BMI1: variants seen among roughly 807,000 people sequenced by gnomAD.
The protein encoded by BMI1 is BMI1 proto-oncogene, polycomb ring finger.
A neutral mutation model predicts 39.1 loss-of-function variants in BMI1; 9 were observed. That is an observed-to-expected ratio of 0.23 (90% confidence interval 0.14 to 0.40). BMI1 has a LOEUF of 0.40. BMI1 is among the 10% of genes least tolerant of loss of function. BMI1 has a pLI of 1.00. For missense variants in BMI1, 252 were observed against 390.8 expected (o/e 0.64, Z 2.99); for synonymous variants, 131 against 127.9 (o/e 1.02, Z -0.16).
rs1588622019 is a variant in BMI1, at chr10:22,329,888, G to A, written c.*346G>A. The A allele has an allele frequency of 1.4e-5, 3 of 217,976 alleles. No homozygotes were observed. Among genetic ancestry groups the A allele is most frequent in the East Asian group, 2.1e-4 (2 of 9,340 alleles). The allele number at this position is 217,976 out of a possible 1,614,324, so 13.5% of individuals were successfully genotyped here. A position where few individuals can be genotyped will look rare whatever the true frequency, so the allele number is the denominator to read the frequency against. On this transcript the variant is annotated 3_prime_UTR_variant, in exon 10 of 10. Coordinates refer to ENST00000376663, the MANE Select transcript of BMI1 (RefSeq NM_005180.9). ...CCATAGTTTGTTAATCTCAACTAACGCCTACATTACATTCTCCTTGATCGT... is the reference window on the plus strand; with the variant it reads ...CCATAGTTTGTTAATCTCAACTAACACCTACATTACATTCTCCTTGATCGT...
intron 8 of BMI1, 140 bp downstream of exon 8, chr10:22,328,838 A>AT: frequency 9.9e-7 from 1 of 1,011,468 alleles, no homozygotes; most frequent in Non-Finnish European, 1.4e-6. Flanking sequence ...ATCTTAAAAC[A>AT]TTTGGTATAC....
intron 2 of BMI1, 24 bp from the exon 3 acceptor site, chr10:22,326,866 A>C (rs777278306): frequency 6.2e-7 from 1 of 1,610,592 alleles, no homozygotes; most frequent in Non-Finnish European, 8.5e-7. Context: ...AAACATAAAA[A>C]AACTTCACAT....
rs1466908544 is a variant in BMI1, at chr10:22,330,991, A to G, written c.*1449A>G. The stretch of plus-strand genomic sequence containing the variant: ...TGGGAAAATTGTAGCTAAACATTTC[A>G]TTGTCCCCAGTCTGCAAAAGAAGCA... On this transcript the variant is annotated 3_prime_UTR_variant, in exon 10 of 10. Transcript: ENST00000376663. The G allele has an allele frequency of 6.6e-6, 1 of 152,538 alleles. No homozygotes were observed. Among genetic ancestry groups the G allele is most frequent in the Non-Finnish European group, 1.5e-5 (1 of 67,976 alleles). 9.4% of individuals were successfully genotyped at this position (152,538 alleles called of 1,614,324 possible).
Position 22,327,076 on chromosome 10 carries a change from T to C in BMI1, c.209+90T>C. 2.8e-6 allele frequency: 4 copies of C among 1,436,366 alleles called. No homozygotes were observed. In the South Asian group the frequency reaches 4.9e-5, roughly 18 times the overall value. 89.0% of individuals were successfully genotyped at this position (1,436,366 alleles called of 1,614,324 possible). ...ACCCTCTTTATTTCTTCACAGAAAA[T>C]TTACTCTTGAATACATAACTAATAT... On this transcript the variant is annotated intron_variant, in intron 3 of 9. Coordinates refer to ENST00000376663, the MANE Select transcript of BMI1 (RefSeq NM_005180.9).
At position 22,327,971 on chromosome 10, in the gene BMI1, A is replaced by G; in HGVS notation, c.338A>G (p.Asp113Gly). The change falls in exon 6 of 10, where the codon GAT becomes GGT. Residue 113 changes from aspartate to glycine, a missense_variant. By Grantham distance (94) the Asp-to-Gly change is moderately conservative (BLOSUM62 -1). Around this residue, in one of 4 missense-constraint regions of BMI1, gnomAD observed 67 missense variants for 69.9 expected, o/e 0.96. Coordinates refer to ENST00000376663, the MANE Select transcript of BMI1 (RefSeq NM_005180.9). ...SADAANGSNE[D>G]RGEVADEDKR... ...ATAGCTGCCAATGGCTCTAATGAAG[A>G]TAGAGGAGAGGTTGCAGATGAAGAT... is the stretch of plus-strand genomic sequence containing the variant. 6.2e-7 allele frequency: 1 copy of G among 1,608,078 alleles called. No individual in the cohort carries two copies. Among genetic ancestry groups the G allele is most frequent in the Non-Finnish European group, 8.5e-7 (1 of 1,178,202 alleles).
At chr10:22,328,329 A>AAT (rs1836205793) in intron 7 of BMI1, 150 bp downstream of exon 7, 1 of 903,150 alleles carries the variant, frequency 1.1e-6, no homozygotes, top group Non-Finnish European at 1.6e-6. Context: ...TGTGATATTT[A>AAT]ATAATTAGAA....
At chr10:22,325,871 G>T (rs1836136983) in intron 1 of BMI1, 1 of 152,174 alleles carries the variant, frequency 6.6e-6, no homozygotes, top group South Asian at 2.1e-4. Flanking sequence ...GACTGGAGGT[G>T]CTCCTCCTGC....
In BMI1 at chr10:22,325,208, A is replaced by C. The variant is rs188277560; in HGVS notation, c.-19-1223A>C. On this transcript the variant is annotated intron_variant, in intron 1 of 9. Transcript: ENST00000376663. ...CTACAGGAGAGCGTCACATTAGAGA[A>C]GGAAGTTTTAAAGAGGTTCGGTTCA... Among the ~76,000 whole-genome samples the C allele has an allele frequency of 5.2e-3, 788 of 152,350 alleles. 7 individuals are homozygous for C. The highest frequency in any genetic ancestry group is 0.018 in the African/African-American group (743 of 41,582).
rs200452916 is a variant in BMI1 at position 22,324,956 on chromosome 10, GT to G, written c.-19-1470del. 5.3e-5 allele frequency among the ~76,000 whole-genome samples: 8 copies of G among 152,250 alleles called. No individual in the cohort carries two copies. In the East Asian group the frequency reaches 1.5e-3, roughly 29 times the overall value. On this transcript the variant is annotated intron_variant, in intron 1 of 9. Coordinates refer to ENST00000376663, the MANE Select transcript of BMI1 (RefSeq NM_005180.9). ...TCATCGTATGGGGGGTTTTACATTT[GT>G]TTTTCTCTCCTGTCGCTGCTTTGGG... is the stretch of plus-strand genomic sequence containing the variant.
chr10:22,329,255 A>G lies in BMI1; in HGVS notation c.694A>G (p.Lys232Glu), dbSNP rs1202429072. The change falls in exon 10 of 10, where the codon AAA becomes GAA. Residue 232 changes from lysine to glutamate, a missense_variant. Coordinates refer to ENST00000376663, the MANE Select transcript of BMI1 (RefSeq NM_005180.9). ...PLKYRVRPTC[K>E]RMKISHQRDG... ...GAAATACAGAGTTCGACCTACTTGT[A>G]AAAGAATGAAGATCAGTCACCAGAG... 6.2e-7 allele frequency: 1 copy of G among 1,614,192 alleles called. No homozygotes were observed. Among genetic ancestry groups the G allele is most frequent in the Admixed American group, 1.7e-5 (1 of 60,030 alleles).
chr10:22,321,154 C>T lies in BMI1; in HGVS notation c.-562C>T, dbSNP rs1200534011. 1.4e-5 allele frequency: 2 copies of T among 148,078 alleles called. No individual in the cohort carries two copies. The highest frequency in any genetic ancestry group is 3.0e-5 in the Non-Finnish European group (2 of 66,370). The allele number at this position is 148,078 out of a possible 1,614,324, so 9.2% of individuals were successfully genotyped here. ...TTTTCCACCCTCCCCTCCCCCTCCT[C>T]CCCTCCCCCCGCTCGCACGCACACA... On this transcript the variant is annotated 5_prime_UTR_variant, in exon 1 of 10. Transcript: ENST00000376663.
intron 8 of BMI1, among the ~76,000 whole-genome samples, 162 bp from the exon 9 acceptor site, chr10:22,328,884 ACT>A (rs1836222081): frequency 6.6e-6 from 1 of 151,766 alleles, no homozygotes; most frequent in African/African-American, 2.4e-5. Context: ...ATCCCTTAAC[ACT>A]CTCTAGAAAT....
chr10:22,330,591 T>C lies in BMI1; in HGVS notation c.*1049T>C, dbSNP rs1836262347. On this transcript the variant is annotated 3_prime_UTR_variant, in exon 10 of 10. Coordinates refer to ENST00000376663, the MANE Select transcript of BMI1 (RefSeq NM_005180.9). ...TCCATTGGCTATGATGGAATTAATA[T>C]TGTATTTTAAAAATGCATATTGATC... 6.6e-6 allele frequency: 1 copy of C among 152,232 alleles called. No homozygotes were observed. Among genetic ancestry groups the C allele is most frequent in the Non-Finnish European group, 1.5e-5 (1 of 68,012 alleles). 9.4% of individuals were successfully genotyped at this position (152,232 alleles called of 1,614,324 possible).
At chr10:22,326,625 A>C (rs1321879688) in intron 2 of BMI1, 64 bp downstream of exon 2, 1 of 1,576,444 alleles carries the variant, frequency 6.3e-7, no homozygotes, top group East Asian at 2.2e-5. Context: ...CTGGAATTTG[A>C]AAACTGTTAA....
Position 22,331,448 on chromosome 10 carries a change from TAC to T in BMI1, c.*1908_*1909del, listed in dbSNP as rs1836280321. On this transcript the variant is annotated 3_prime_UTR_variant, in exon 10 of 10. Transcript: ENST00000376663. ...CCATTGAAAGATGTATCTGTTTATTTACAGTCTTTGAAGTAAAAGTTACCAAT... is the reference window on the plus strand; with the variant it reads ...CCATTGAAAGATGTATCTGTTTATTTAGTCTTTGAAGTAAAAGTTACCAAT... The T allele has an allele frequency of 6.6e-6, 1 of 152,168 alleles. No homozygotes were observed. Among genetic ancestry groups the T allele is most frequent in the South Asian group, 2.1e-4 (1 of 4,836 alleles). 9.4% of individuals were successfully genotyped at this position (152,168 alleles called of 1,614,324 possible). A position where few individuals can be genotyped will look rare whatever the true frequency, so the allele number is the denominator to read the frequency against.
rs1836273651 is a variant in BMI1 at position 22,331,144 on chromosome 10, A to G, written c.*1602A>G. 6.6e-6 allele frequency: 1 copy of G among 152,586 alleles called. No homozygotes were observed. Among genetic ancestry groups the G allele is most frequent in the African/African-American group, 2.4e-5 (1 of 41,454 alleles). The allele number at this position is 152,586 out of a possible 1,614,324, so 9.5% of individuals were successfully genotyped here. A position where few individuals can be genotyped will look rare whatever the true frequency, so the allele number is the denominator to read the frequency against. Reference sequence around the variant, plus strand: ...GAAGTCACAAGATACATATATTTTTATTTTGACCTAAATTTGTACAGTCCC... The same window carrying G: ...GAAGTCACAAGATACATATATTTTTGTTTTGACCTAAATTTGTACAGTCCC... On this transcript the variant is annotated 3_prime_UTR_variant, in exon 10 of 10. Coordinates refer to ENST00000376663, the MANE Select transcript of BMI1 (RefSeq NM_005180.9).
chr10:22,326,409 C>T (rs1181724260), intron 1 of BMI1, 22 bp from the exon 2 acceptor site: 3 of 1,607,876 alleles, frequency 1.9e-6, no homozygotes, highest in Non-Finnish European at 2.5e-6. Flanking sequence ...TGAATTATGG[C>T]CATTATTTCT....
intron 1 of BMI1, among the ~76,000 whole-genome samples, chr10:22,325,058 T>G (rs192372153): frequency 2.6e-5 from 4 of 152,358 alleles, no homozygotes; most frequent in Admixed American, 2.6e-4. Flanking sequence ...TTGTACCGAT[T>G]AAAGTACTTT....
intron 1 of BMI1, among the ~76,000 whole-genome samples, chr10:22,324,858 G>T (rs968693788): frequency 1.3e-5 from 2 of 152,166 alleles, no homozygotes; most frequent in African/African-American, 4.8e-5. Flanking sequence ...CCTGACTGTC[G>T]GCTGGTGTAT....
Sources: allele counts gnomAD v4.1 joint callset (sites outside exome capture counted in the v4.1 genomes callset), GRCh38; gene constraint gnomAD v4.1.1; regional missense constraint gnomAD v4.1.1; transcripts MANE v1.5; gene names NCBI Gene and HGNC (gene_info 2026-07-23, HGNC 2026-07-21).